Variants in GREM2 observed in about 807,000 individuals in gnomAD.
GREM2 encodes the protein gremlin 2, DAN family BMP antagonist.
Under a neutral mutation model 14.2 loss-of-function variants are expected in GREM2, and 11 were observed. The observed-to-expected ratio is 0.78, with a 90% CI of 0.49 to 1.28. The LOEUF is 1.28. GREM2 is among the 50% of genes most tolerant of loss of function. The pLI, the probability that GREM2 is intolerant of heterozygous loss-of-function variation, is 0.00. For synonymous variants in GREM2, 98 were observed against 97.6 expected (o/e 1.00, Z -0.02); for missense variants, 210 against 218.5 (o/e 0.96, Z 0.24).
chr1:240,564,583 T>C (rs1486283013), intron 1 of GREM2, among the ~76,000 whole-genome samples: 1 of 152,128 alleles, frequency 6.6e-6, no homozygotes, highest in Non-Finnish European at 1.5e-5. Context: ...TTTTAAGTTG[T>C]GTCAGTCTGT....
chr1:240,577,080 C>G (rs968531910), intron 1 of GREM2, among the ~76,000 whole-genome samples: 2 of 152,160 alleles, frequency 1.3e-5, no homozygotes, highest in Non-Finnish European at 2.9e-5. Flanking sequence ...TCTCTACTTA[C>G]AGTGGGTGCC....
chr1:240,507,569 G>C (rs2103285423), intron 1 of GREM2, among the ~76,000 whole-genome samples: 1 of 152,236 alleles, frequency 6.6e-6, no homozygotes, highest in Non-Finnish European at 1.5e-5. Context: ...CTGACCTCAA[G>C]TGATACGCCC....
At position 240,543,144 on chromosome 1, in the gene GREM2, C is replaced by T. The variant is rs899824864; in HGVS notation, c.-1-49668G>A. On this transcript the variant is annotated intron_variant, in intron 1 of 1. Transcript: ENST00000318160. The surrounding 1 kb of genome is among the most constrained non-coding windows in gnomAD (Gnocchi z 6.4). Reference sequence around the variant, plus strand: ...TTGACTATTATTTTACATCCCCCATCAGATTGTGGATCACCTAAGGCTAGG... The same window carrying T: ...TTGACTATTATTTTACATCCCCCATTAGATTGTGGATCACCTAAGGCTAGG... Among the ~76,000 whole-genome samples the T allele has an allele frequency of 2.0e-5, 3 of 152,216 alleles. No individual in the cohort carries two copies. Among genetic ancestry groups the T allele is most frequent in the African/African-American group, 7.2e-5 (3 of 41,460 alleles).
At position 240,588,271 on chromosome 1, in the gene GREM2, C is replaced by T. The variant is rs570998035; in HGVS notation, c.-2+23613G>A. Among the ~76,000 whole-genome samples, 38 of 152,292 alleles carry T rather than the reference C, an allele frequency of 2.5e-4. No individual in the cohort carries two copies. The South Asian group carries it at 5.8e-3, about 23-fold the overall frequency. ...GAATGCACCTTTTATTGACTATCTT[C>T]GCTTCCCTGGTCATTTCTTCCAACA... is the stretch of plus-strand genomic sequence containing the variant. On this transcript the variant is annotated intron_variant, in intron 1 of 1. Coordinates refer to ENST00000318160, the MANE Select transcript of GREM2 (RefSeq NM_022469.4).
intron 1 of GREM2, among the ~76,000 whole-genome samples, chr1:240,519,246 T>C (rs1462879427): frequency 1.3e-5 from 2 of 152,128 alleles, no homozygotes; most frequent in Non-Finnish European, 2.9e-5. Flanking sequence ...TAATTGGAAG[T>C]TTTGTCTCAC....
intron 1 of GREM2, among the ~76,000 whole-genome samples, chr1:240,528,168 AG>A (rs1379709113): frequency 6.6e-6 from 1 of 152,214 alleles, no homozygotes; most frequent in African/African-American, 2.4e-5. Flanking sequence ...GAAAAGACAG[AG>A]GGTCACAGAA....
At chr1:240,523,826 A>G (rs1678159819) in intron 1 of GREM2, among the ~76,000 whole-genome samples, 1 of 152,208 alleles carries the variant, frequency 6.6e-6, no homozygotes, top group South Asian at 2.1e-4. Context: ...TTTGATAGGC[A>G]TTTCCAAACA....
chr1:240,547,259 G>A (rs1288158888), intron 1 of GREM2, among the ~76,000 whole-genome samples: 1 of 152,028 alleles, frequency 6.6e-6, no homozygotes, highest in Non-Finnish European at 1.5e-5. Context: ...CCAGGGCTTT[G>A]GGAGGCCGAG....
chr1:240,587,853 T>C (rs1343069328), intron 1 of GREM2, among the ~76,000 whole-genome samples: 1 of 152,186 alleles, frequency 6.6e-6, no homozygotes, highest in Non-Finnish European at 1.5e-5. Context: ...GGTAGTATTA[T>C]TCTCTTTGGC....
At chr1:240,500,187 T>C (rs1160949176) in intron 1 of GREM2, among the ~76,000 whole-genome samples, 1 of 152,198 alleles carries the variant, frequency 6.6e-6, no homozygotes, top group African/African-American at 2.4e-5. Context: ...TGCTCTCCTA[T>C]CTCCTCATCC....
At position 240,496,256 on chromosome 1, in the gene GREM2, C is replaced by T. The variant is rs925262192; in HGVS notation, c.-1-2780G>A. 6.9e-4 allele frequency among the ~76,000 whole-genome samples: 105 copies of T among 152,226 alleles called. 1 individual carries two copies. Among genetic ancestry groups the T allele is most frequent in the African/African-American group, 2.4e-3 (100 of 41,554 alleles). Reference sequence around the variant, plus strand: ...AAGGCAAAGTTCTCACAGGGTCGGACGAGCCTTTACAAGATCTCCCCACTC... The same window carrying T: ...AAGGCAAAGTTCTCACAGGGTCGGATGAGCCTTTACAAGATCTCCCCACTC... On this transcript the variant is annotated intron_variant, in intron 1 of 1. Coordinates refer to ENST00000318160, the MANE Select transcript of GREM2 (RefSeq NM_022469.4).
intron 1 of GREM2, among the ~76,000 whole-genome samples, chr1:240,575,571 A>G (rs927721410): frequency 6.6e-6 from 1 of 150,944 alleles, no homozygotes; most frequent in African/African-American, 2.5e-5. Flanking sequence ...CTCAGGCTGG[A>G]GTGTGGTGGC....
At chr1:240,598,064 G>A (rs1036016302) in intron 1 of GREM2, among the ~76,000 whole-genome samples, 3 of 152,068 alleles carry the variant, frequency 2.0e-5, no homozygotes, top group Admixed American at 1.3e-4. Context: ...AGTTAATATC[G>A]ACTAAACAGC....
At chr1:240,501,181 G>A (rs537767838) in intron 1 of GREM2, among the ~76,000 whole-genome samples, 10 of 152,184 alleles carry the variant, frequency 6.6e-5, no homozygotes, top group Non-Finnish European at 1.2e-4. Flanking sequence ...TAAAATATGA[G>A]GAAAGGAAAA....
intron 1 of GREM2, among the ~76,000 whole-genome samples, chr1:240,533,039 A>T (rs1195646610): frequency 1.3e-5 from 2 of 152,240 alleles, no homozygotes; most frequent in Non-Finnish European, 2.9e-5. Context: ...AGAGGGGACT[A>T]TGATACAGAA....
intron 1 of GREM2, among the ~76,000 whole-genome samples, chr1:240,563,207 G>C (rs1050140659): frequency 6.7e-6 from 1 of 150,252 alleles, no homozygotes; most frequent in African/African-American, 2.5e-5. Flanking sequence ...GTGTGTAAGT[G>C]AGTGTGTGTT....
intron 1 of GREM2, among the ~76,000 whole-genome samples, chr1:240,532,197 C>T (rs1033892690): frequency 6.6e-6 from 1 of 152,190 alleles, no homozygotes; most frequent in African/African-American, 2.4e-5. Flanking sequence ...GATTCTCCTG[C>T]CTCAGTCTCC....
At chr1:240,534,588 G>C (rs544764340) in intron 1 of GREM2, among the ~76,000 whole-genome samples, 1 of 152,156 alleles carries the variant, frequency 6.6e-6, no homozygotes, top group East Asian at 1.9e-4. Context: ...GCTACTCCGG[G>C]AGGCTGAGGC....
At chr1:240,578,628 T>C (rs560527838) in intron 1 of GREM2, among the ~76,000 whole-genome samples, 1 of 151,636 alleles carries the variant, frequency 6.6e-6, no homozygotes, top group South Asian at 2.1e-4. Flanking sequence ...CTACCAAAAA[T>C]ACAAAAATTA....
Sources: gnomAD v4.1 joint callset for allele counts (sites outside exome capture counted in the v4.1 genomes callset) on GRCh38, gnomAD v4.1.1 for gene constraint, Gnocchi (gnomAD v3.1) non-coding constraint, MANE v1.5 for transcripts, NCBI Gene and HGNC (gene_info 2026-07-23, HGNC 2026-07-21) for gene names.